Variants in AGBL4 observed in about 807,000 individuals in gnomAD.
AGBL4 encodes AGBL carboxypeptidase 4.
Under a neutral mutation model 66.4 loss-of-function variants are expected in AGBL4, and 58 were observed. The ratio of observed to expected loss-of-function variants is 0.87; its 90% confidence interval spans 0.71 to 1.09. The LOEUF (loss-of-function observed/expected upper bound fraction) is 1.09. AGBL4 is among the 50% of genes least tolerant of loss of function. AGBL4 has a pLI of 0.00. For missense variants in AGBL4, 579 were observed against 631.0 expected (o/e 0.92, Z 0.88); for synonymous variants, 234 against 222.9 (o/e 1.05, Z -0.44).
chr1:49,124,683 A>G (rs1336944941), intron 4 of AGBL4, among the ~76,000 whole-genome samples: 1 of 152,234 alleles, frequency 6.6e-6, no homozygotes, highest in Non-Finnish European at 1.5e-5. Context: ...CTTATCATAC[A>G]GGGTTGTTAA....
chr1:49,675,458 C>T (rs556298208), intron 3 of AGBL4, among the ~76,000 whole-genome samples: 1 of 152,016 alleles, frequency 6.6e-6, no homozygotes, highest in South Asian at 2.1e-4. Flanking sequence ...GGAAAAATTA[C>T]CTGTTGGGTA....
At chr1:49,006,166 C>T (rs190323515) in intron 5 of AGBL4, among the ~76,000 whole-genome samples, 3,409 of 152,104 alleles carry the variant, frequency 0.022, 123 homozygotes, top group African/African-American at 0.075. Flanking sequence ...TCAGTGGGTG[C>T]GTGCACCGTG....
chr1:48,712,424 G>A (rs1015548166), intron 6 of AGBL4, among the ~76,000 whole-genome samples: 1 of 152,034 alleles, frequency 6.6e-6, no homozygotes, highest in Non-Finnish European at 1.5e-5. Flanking sequence ...TCCCCTCTCT[G>A]GCACTCAGTT....
chr1:48,602,752 A>C (rs1454648164), intron 9 of AGBL4, among the ~76,000 whole-genome samples: 2 of 152,212 alleles, frequency 1.3e-5, no homozygotes, highest in African/African-American at 4.8e-5. Flanking sequence ...AGGTACAGGC[A>C]GGCACTTGGC....
intron 2 of AGBL4, among the ~76,000 whole-genome samples, chr1:49,701,574 G>A (rs1571358111): frequency 6.6e-6 from 1 of 151,548 alleles, no homozygotes; most frequent in South Asian, 2.1e-4. Flanking sequence ...TAATACTTGG[G>A]GGAAAAGGAA....
At chr1:49,186,834 C>T (rs1375951982) in intron 4 of AGBL4, among the ~76,000 whole-genome samples, 1 of 152,080 alleles carries the variant, frequency 6.6e-6, no homozygotes, top group Non-Finnish European at 1.5e-5. Context: ...ATGGGCATAA[C>T]TGGATGGTTG....
At chr1:48,760,062 CA>C (rs1644173421) in intron 6 of AGBL4, among the ~76,000 whole-genome samples, 1 of 152,220 alleles carries the variant, frequency 6.6e-6, no homozygotes, top group South Asian at 2.1e-4. Context: ...GAGATACAAA[CA>C]GAGCCAAAAC....
intron 3 of AGBL4, among the ~76,000 whole-genome samples, chr1:49,687,102 C>T (rs1161087796): frequency 6.6e-6 from 1 of 152,066 alleles, no homozygotes; most frequent in East Asian, 1.9e-4. Flanking sequence ...GGACTTTACC[C>T]TAAAGGTAAT....
intron 3 of AGBL4, among the ~76,000 whole-genome samples, chr1:49,538,213 T>C (rs1291613075): frequency 2.0e-5 from 3 of 152,210 alleles, no homozygotes; most frequent in Non-Finnish European, 4.4e-5. Flanking sequence ...TGTGAATCAG[T>C]GGATGACTGG....
intron 6 of AGBL4, among the ~76,000 whole-genome samples, chr1:48,691,205 C>A (rs1646626688): frequency 6.9e-6 from 1 of 144,542 alleles, no homozygotes; most frequent in African/African-American, 2.5e-5. Context: ...ATATATATTA[C>A]ATATATAGAA....
intron 9 of AGBL4, among the ~76,000 whole-genome samples, chr1:48,626,443 A>G (rs1553197366): frequency 6.6e-6 from 1 of 152,222 alleles, no homozygotes; most frequent in Non-Finnish European, 1.5e-5. Context: ...AAGCACTTTC[A>G]TTAAGCATCC....
At chr1:49,007,817 A>C (rs12046834) in intron 5 of AGBL4, among the ~76,000 whole-genome samples, 83,960 of 150,662 alleles carry the variant, frequency 0.56, 23,918 homozygotes, top group Non-Finnish European at 0.61. Flanking sequence ...CTTTACAGAC[A>C]AGCAAATGCT....
intron 6 of AGBL4, among the ~76,000 whole-genome samples, chr1:48,694,882 C>T (rs562280963): frequency 1.5e-4 from 23 of 152,270 alleles, no homozygotes; most frequent in African/African-American, 5.3e-4. Flanking sequence ...CTTGCACACA[C>T]CTCTGTACAG....
chr1:49,948,821 C>T (rs551541357), intron 1 of AGBL4, among the ~76,000 whole-genome samples: 67 of 151,220 alleles, frequency 4.4e-4, no homozygotes, highest in Non-Finnish European at 3.7e-4. Context: ...TCATTTTTCA[C>T]GGAACTAGAA....
chr1:49,563,521 G>A (rs1410636625), intron 3 of AGBL4, among the ~76,000 whole-genome samples: 11 of 152,216 alleles, frequency 7.2e-5, no homozygotes, highest in East Asian at 3.9e-4. Context: ...AGCATGAAGC[G>A]TTGTTGAAGT....
At chr1:49,851,358 C>T in intron 2 of AGBL4, 38 bp downstream of exon 2, 1 of 1,510,830 alleles carries the variant, frequency 6.6e-7, no homozygotes, top group Admixed American at 2.3e-5. Context: ...AATGCCTTAC[C>T]AGACAAACTT....
chr1:48,955,344 T>A (rs567888471), intron 5 of AGBL4, among the ~76,000 whole-genome samples: 1 of 152,322 alleles, frequency 6.6e-6, no homozygotes, highest in African/African-American at 2.4e-5. Flanking sequence ...CCTTTATGTG[T>A]TTGTTGACTT....
intron 3 of AGBL4, among the ~76,000 whole-genome samples, chr1:49,273,262 A>T (rs1259051705): frequency 1.3e-5 from 2 of 152,058 alleles, no homozygotes. Flanking sequence ...TAGATTTTTC[A>T]CCAGAAAATA....
chr1:49,537,679 C>T (rs780004714), intron 3 of AGBL4, among the ~76,000 whole-genome samples: 2 of 152,202 alleles, frequency 1.3e-5, no homozygotes, highest in African/African-American at 2.4e-5. Flanking sequence ...AATCCCAGCA[C>T]TTTGGGAGGC....
Sources: allele counts gnomAD v4.1 joint callset (sites outside exome capture counted in the v4.1 genomes callset), GRCh38; gene constraint gnomAD v4.1.1; transcripts MANE v1.5; gene names NCBI Gene and HGNC (gene_info 2026-07-23, HGNC 2026-07-21).